The following TUBA1C variants were observed in gnomAD, a reference collection of about 807,000 sequenced individuals.
TUBA1C encodes tubulin alpha 1c.
A neutral mutation model predicts 34.9 loss-of-function variants in TUBA1C; 16 were observed. The ratio of observed to expected loss-of-function variants is 0.46; its 90% CI spans 0.31 to 0.70. TUBA1C has a LOEUF of 0.70. Ranked by LOEUF, TUBA1C falls within the 30% of genes least tolerant of loss-of-function variation. The pLI is 0.05. For missense variants in TUBA1C, 329 were observed against 587.3 expected (o/e 0.56, Z 4.55); for synonymous variants, 177 against 215.9 (o/e 0.82, Z 1.58).
intron 1 of TUBA1C, chr12:49,257,830 G>A: frequency 5.5e-6 from 1 of 181,248 alleles, no homozygotes; most frequent in South Asian, 6.8e-5. Flanking sequence ...GTTATTACAA[G>A]AGACAAAAAG....
At chr12:49,259,994 G>A (rs1942826397) in intron 1 of TUBA1C, among the ~76,000 whole-genome samples, 1 of 151,968 alleles carries the variant, frequency 6.6e-6, no homozygotes, top group South Asian at 2.1e-4. Flanking sequence ...AAACCTTCAG[G>A]GGCCTTCTAC....
intron 1 of TUBA1C, among the ~76,000 whole-genome samples, chr12:49,237,117 G>A (rs763674119): frequency 6.6e-6 from 1 of 152,066 alleles, no homozygotes; most frequent in Non-Finnish European, 1.5e-5. Flanking sequence ...AAAACGAGAT[G>A]AGAAATAAGA....
intron 1 of TUBA1C, among the ~76,000 whole-genome samples, chr12:49,255,728 G>C (rs1168730550): frequency 2.6e-5 from 4 of 152,024 alleles, no homozygotes; most frequent in Non-Finnish European, 4.4e-5. Flanking sequence ...ACCACGCCTG[G>C]CTAATTTTTA....
chr12:49,243,022 G>T (rs1327386382), intron 1 of TUBA1C, among the ~76,000 whole-genome samples: 1 of 152,070 alleles, frequency 6.6e-6, no homozygotes, highest in Non-Finnish European at 1.5e-5. Context: ...TGCTCGGGCT[G>T]GTCTCGAACT....
At chr12:49,243,368 G>GA (rs1235325605) in intron 1 of TUBA1C, among the ~76,000 whole-genome samples, 1 of 152,074 alleles carries the variant, frequency 6.6e-6, no homozygotes, top group African/African-American at 2.4e-5. Context: ...TTGAATCTGG[G>GA]AGACAGAGGT....
chr12:49,272,013 G>T (rs1308760739), intron 3 of TUBA1C, among the ~76,000 whole-genome samples: 1 of 151,386 alleles, frequency 6.6e-6, no homozygotes, highest in Non-Finnish European at 1.5e-5. Context: ...TGTCATCCAG[G>T]CTGGAGTGCA....
chr12:49,271,971 C>CTTT (rs113867895), intron 3 of TUBA1C, among the ~76,000 whole-genome samples: 395 of 143,678 alleles, frequency 2.7e-3, no homozygotes, highest in African/African-American at 9.0e-3. Context: ...CACTTAAAAG[C>CTTT]TTTTTTTTTT....
chr12:49,267,010 T>C (rs2137018448), intron 1 of TUBA1C, among the ~76,000 whole-genome samples: 1 of 152,280 alleles, frequency 6.6e-6, no homozygotes, highest in South Asian at 2.1e-4. Context: ...CTGGTTTAGG[T>C]GAACACTGGT....
At chr12:49,269,751 G>C (rs1157376871) in intron 2 of TUBA1C, 64 bp downstream of exon 2, 34 of 1,613,176 alleles carry the variant, frequency 2.1e-5, no homozygotes, top group Middle Eastern at 1.6e-4. Flanking sequence ...CTGTCCTGGG[G>C]GGGCTCCGCT....
chr12:49,265,030 C>A, upstream of TUBA1C: 1 of 1,158,120 alleles, frequency 8.6e-7, no homozygotes, highest in Non-Finnish European at 1.1e-6. Context: ...GCCCTCCCGA[C>A]ACGTGGCCGG....
intron 3 of TUBA1C, 98 bp from the exon 4 acceptor site, chr12:49,272,155 G>A (rs557732008): frequency 4.6e-6 from 7 of 1,518,520 alleles, no homozygotes; most frequent in South Asian, 2.7e-5. Flanking sequence ...TGCAATTGGA[G>A]TAGCCATAGA....
chr12:49,257,069 A>G (rs1228800461), intron 1 of TUBA1C, among the ~76,000 whole-genome samples: 5 of 151,110 alleles, frequency 3.3e-5, no homozygotes, highest in Non-Finnish European at 7.4e-5. Context: ...AATCCCAGCT[A>G]CTTGGGAGTC....
At chr12:49,263,800 T>A (rs1401104466), upstream of TUBA1C, among the ~76,000 whole-genome samples, 1 of 152,232 alleles carries the variant, frequency 6.6e-6, no homozygotes, top group Non-Finnish European at 1.5e-5. Context: ...GCACATTTAG[T>A]ATGACGCAGT....
At chr12:49,264,822 TC>T (rs1565647695), upstream of TUBA1C, 13 of 96,358 alleles carry the variant, frequency 1.3e-4, no homozygotes, top group African/African-American at 5.7e-4. Context: ...CTCCCCTTCC[TC>T]CCCTTCCTCC....
At position 49,272,902 on chromosome 12, in the gene TUBA1C, A is replaced by G. The variant is rs1343233743; in HGVS notation, c.1025A>G (p.Gln342Arg). ...IATIKTKRTI[Q>R]FVDWCPTGFK... ...ACCATCAAAACCAAGCGTACCATCC[A>G]GTTTGTGGATTGGTGCCCCACTGGC... Residue 342 changes from glutamine (Q) to arginine (R), a missense_variant, in exon 4 of 4, where the codon CAG becomes CGG. Gln to Arg is a conservative substitution (Grantham distance 43). This residue lies in a region of TUBA1C where 140 missense variants were observed against 289.8 expected (regional missense o/e 0.48). Transcript: ENST00000301072. 2.5e-6 allele frequency: 4 copies of G among 1,614,066 alleles called. No individual in the cohort carries two copies. Among genetic ancestry groups the G allele is most frequent in the Admixed American group, 3.3e-5 (2 of 59,996 alleles).
rs182287473 is a variant in TUBA1C, at chr12:49,252,640, G to A, written c.214-16825G>A. On this transcript the variant is annotated intron_variant, in intron 1 of 3. Transcript: ENST00000541364. The stretch of plus-strand genomic sequence containing the variant: ...AAAAATACAAAAATTGGCTGGGCAC[G>A]GTGGCTCACACCTGTAATCCCAGCA... Among the ~76,000 whole-genome samples the A allele has an allele frequency of 9.9e-5, 15 of 152,270 alleles. No individual in the cohort carries two copies. The Middle Eastern group carries it at 0.01, about 104-fold the overall frequency.
chr12:49,261,815 C>A (rs11168938), upstream of TUBA1C, among the ~76,000 whole-genome samples: 2,342 of 152,214 alleles, frequency 0.015, 57 homozygotes, highest in African/African-American at 0.053. Flanking sequence ...GCTATATGGT[C>A]ATTTAAAGCC....
chr12:49,272,278 GCTT>G lies in TUBA1C; in HGVS notation c.405_407del (p.Phe135del). 6.2e-7 allele frequency: 1 copy of G among 1,612,882 alleles called. No homozygotes were observed. Among genetic ancestry groups the G allele is most frequent in the Non-Finnish European group, 8.5e-7 (1 of 1,179,370 alleles). ...GCTGACCAGTGCACCGGTCTTCAGG[GCTT>G]CTTGGTTTTCCACAGCTTTGGTGGG... On this transcript the variant is annotated inframe_deletion, in exon 4 of 4. Transcript: ENST00000301072.
intron 1 of TUBA1C, among the ~76,000 whole-genome samples, chr12:49,246,235 C>G (rs912790911): frequency 9.5e-6 from 1 of 105,596 alleles, no homozygotes; most frequent in African/African-American, 3.5e-5. Context: ...CCTGCCTCAG[C>G]CTCCCAAAGT....
Sources: allele counts gnomAD v4.1 joint callset (sites outside exome capture counted in the v4.1 genomes callset), GRCh38; gene constraint gnomAD v4.1.1; regional missense constraint gnomAD v4.1.1; transcripts MANE v1.5; gene names NCBI Gene and HGNC (gene_info 2026-07-23, HGNC 2026-07-21).